The following GRM8 variants were observed in gnomAD, a reference collection of about 807,000 sequenced individuals.
GRM8 encodes metabotropic glutamate receptor 8.
In GRM8, 47 loss-of-function variants were observed where a neutral mutation model predicts 87.2. The observed-to-expected ratio is 0.54, with a 90% confidence interval of 0.43 to 0.69. The LOEUF (loss-of-function observed/expected upper bound fraction) is 0.69. Ranked by LOEUF, GRM8 falls within the 30% of genes least tolerant of loss-of-function variation. The probability of loss-of-function intolerance (pLI) is 0.00; values close to 1 mark genes in which losing one functional copy is unlikely to be tolerated. For missense variants in GRM8, 1,019 were observed against 1,139.2 expected (o/e 0.89, Z 1.52); for synonymous variants, 396 against 404.5 (o/e 0.98, Z 0.25).
chr7:127,155,550 G>A (rs1364577038), intron 2 of GRM8, among the ~76,000 whole-genome samples: 1 of 152,154 alleles, frequency 6.6e-6, no homozygotes, highest in Non-Finnish European at 1.5e-5. Flanking sequence ...AGAAGGGAAA[G>A]GCTGAGTTAC....
At chr7:126,796,035 T>C (rs1369496552) in intron 6 of GRM8, among the ~76,000 whole-genome samples, 1 of 152,098 alleles carries the variant, frequency 6.6e-6, no homozygotes, top group East Asian at 1.9e-4. Flanking sequence ...TTAATATACA[T>C]GAGTTAAGAT....
intron 6 of GRM8, among the ~76,000 whole-genome samples, chr7:126,877,578 A>C (rs1799634795): frequency 6.6e-6 from 1 of 150,438 alleles, no homozygotes. Context: ...TCATCTCTAC[A>C]CTTTAGCTCA....
chr7:126,571,410 C>T (rs1030922629), intron 8 of GRM8, among the ~76,000 whole-genome samples: 1 of 152,202 alleles, frequency 6.6e-6, no homozygotes, highest in South Asian at 2.1e-4. Flanking sequence ...AATAAAGAGT[C>T]TAACTACAGA....
chr7:126,958,464 C>A lies in GRM8; in HGVS notation c.728-53781G>T, dbSNP rs761908517. Among the ~76,000 whole-genome samples, 7 of 152,302 alleles carry A rather than the reference C, an allele frequency of 4.6e-5. 1 individual carries two copies. The East Asian group carries it at 5.8e-4, about 13-fold the overall frequency. On this transcript the variant is annotated intron_variant, in intron 3 of 10. Coordinates refer to ENST00000339582, the MANE Select transcript of GRM8 (RefSeq NM_000845.3). ...CCGCTTGCGGTATGTCTGGTCCAGC[C>A]GCAGCCTTGCACAGAGCTGGCGCCT...
chr7:126,818,085 A>T (rs1195087051), intron 6 of GRM8, among the ~76,000 whole-genome samples: 3 of 152,206 alleles, frequency 2.0e-5, no homozygotes, highest in African/African-American at 7.2e-5. Flanking sequence ...ATTAAACAAA[A>T]AATTATTAAA....
intron 9 of GRM8, among the ~76,000 whole-genome samples, chr7:126,496,283 GGAAGGAAA>G (rs1346335893): frequency 2.0e-5 from 3 of 151,836 alleles, no homozygotes; most frequent in Non-Finnish European, 4.4e-5. Context: ...GAGGTAGGAG[GGAAGGAAA>G]GAAGGAAAGG....
chr7:126,750,724 C>T (rs1422462691), intron 7 of GRM8, among the ~76,000 whole-genome samples: 4 of 152,132 alleles, frequency 2.6e-5, no homozygotes, highest in Admixed American at 1.3e-4. Context: ...TAATCTCACA[C>T]TTAGAGAGAA....
At chr7:126,500,570 T>G (rs1199250891) in intron 9 of GRM8, among the ~76,000 whole-genome samples, 1 of 151,902 alleles carries the variant, frequency 6.6e-6, no homozygotes, top group African/African-American at 2.4e-5. Context: ...AGAGGAAAGA[T>G]CAGAGATCAG....
At chr7:127,134,349 A>G (rs1014930624) in intron 2 of GRM8, among the ~76,000 whole-genome samples, 5 of 152,216 alleles carry the variant, frequency 3.3e-5, no homozygotes, top group Non-Finnish European at 7.3e-5. Flanking sequence ...AAGTTGTTCA[A>G]CACTTCAAAG....
chr7:127,125,050 C>T, intron 2 of GRM8, among the ~76,000 whole-genome samples: 1 of 152,042 alleles, frequency 6.6e-6, no homozygotes, highest in East Asian at 1.9e-4. Context: ...TAAAATCATA[C>T]CTAGTGGTGA....
intron 6 of GRM8, among the ~76,000 whole-genome samples, chr7:126,807,321 G>A (rs559578282): frequency 2.0e-5 from 3 of 152,098 alleles, no homozygotes; most frequent in African/African-American, 7.2e-5. Context: ...GAAAAAAAAT[G>A]TTCATTTGAG....
chr7:126,748,889 A>G (rs1816041146), intron 7 of GRM8, among the ~76,000 whole-genome samples: 2 of 152,058 alleles, frequency 1.3e-5, no homozygotes, highest in African/African-American at 4.8e-5. Context: ...ACAATGGGAG[A>G]CAGTCTTTTC....
At chr7:126,911,386 A>G (rs1803275646) in intron 3 of GRM8, among the ~76,000 whole-genome samples, 2 of 152,212 alleles carry the variant, frequency 1.3e-5, no homozygotes, top group South Asian at 4.1e-4. Context: ...GGATTCCATA[A>G]GTAGTAAAGA....
intron 6 of GRM8, among the ~76,000 whole-genome samples, chr7:126,850,069 G>C (rs560096444): frequency 1.3e-5 from 2 of 152,000 alleles, no homozygotes; most frequent in African/African-American, 4.8e-5. Context: ...TATGCATGCC[G>C]CCTCCAGTTT....
intron 6 of GRM8, among the ~76,000 whole-genome samples, chr7:126,799,954 G>C (rs1822467709): frequency 6.6e-6 from 1 of 152,046 alleles, no homozygotes; most frequent in African/African-American, 2.4e-5. Context: ...ATCCCAAGGA[G>C]ACTGAAGCCA....
At chr7:126,778,136 T>C (rs1446104541) in intron 6 of GRM8, among the ~76,000 whole-genome samples, 1 of 152,196 alleles carries the variant, frequency 6.6e-6, no homozygotes, top group African/African-American at 2.4e-5. Flanking sequence ...CTACCTTATC[T>C]ATTTACAAAG....
At chr7:126,799,700 G>A (rs1822421746) in intron 6 of GRM8, among the ~76,000 whole-genome samples, 1 of 152,130 alleles carries the variant, frequency 6.6e-6, no homozygotes, top group Non-Finnish European at 1.5e-5. Flanking sequence ...CCGAAGTACT[G>A]CTCATAGAGT....
At chr7:127,156,366 C>T (rs1402093541) in intron 2 of GRM8, among the ~76,000 whole-genome samples, 1 of 152,156 alleles carries the variant, frequency 6.6e-6, no homozygotes, top group Non-Finnish European at 1.5e-5. Flanking sequence ...ACGGTTCCTC[C>T]ACCTCACTGT....
intron 3 of GRM8, among the ~76,000 whole-genome samples, chr7:127,103,785 CAA>C (rs1825554780): frequency 6.6e-6 from 1 of 152,162 alleles, no homozygotes; most frequent in African/African-American, 2.4e-5. Flanking sequence ...ATCCTATAGT[CAA>C]GAGATGCCTT....
Sources: gnomAD v4.1 joint callset for allele counts (sites outside exome capture counted in the v4.1 genomes callset) on GRCh38, gnomAD v4.1.1 for gene constraint, MANE v1.5 for transcripts, NCBI Gene and HGNC (gene_info 2026-07-23, HGNC 2026-07-21) for gene names.